GCKR: variants seen among roughly 807,000 people sequenced by gnomAD.
GCKR encodes glucokinase regulatory protein.
In GCKR, 73 loss-of-function variants were observed where a neutral mutation model predicts 82.9. The observed-to-expected ratio is 0.88, with a 90% CI of 0.73 to 1.07. The LOEUF (loss-of-function observed/expected upper bound fraction) is 1.07, where lower values mean the gene tolerates loss of function less well. GCKR is among the 50% of genes least tolerant of loss of function. The pLI, the probability that GCKR is intolerant of heterozygous loss-of-function variation, is 0.00. For missense variants in GCKR, 784 were observed against 782.1 expected (o/e 1.00, Z -0.03); for synonymous variants, 294 against 291.8 (o/e 1.01, Z -0.08).
intron 1 of GCKR, 122 bp downstream of exon 1, chr2:27,497,086 T>C: frequency 1.7e-6 from 2 of 1,201,816 alleles, no homozygotes; most frequent in Non-Finnish European, 2.5e-6. Context: ...TTCCCTAATA[T>C]GCCCAGAGCA....
At chr2:27,505,924 T>C (rs1669727943) in intron 10 of GCKR, 88 bp downstream of exon 10, 1 of 812,676 alleles carries the variant, frequency 1.2e-6, no homozygotes, top group South Asian at 1.3e-5. Flanking sequence ...ATCCAAGGAC[T>C]GGGCTGGTGG....
intron 16 of GCKR, among the ~76,000 whole-genome samples, chr2:27,514,905 A>AT (rs1201039712): frequency 6.6e-6 from 1 of 152,060 alleles, no homozygotes; most frequent in Non-Finnish European, 1.5e-5. Flanking sequence ...AAGTTTTTGG[A>AT]TTTTGTCAAC....
In GCKR at chr2:27,506,785, C is replaced by A; in HGVS notation, c.969-3C>A. 6.3e-7 allele frequency: 1 copy of A among 1,594,176 alleles called. No homozygotes were observed. Among genetic ancestry groups the A allele is most frequent in the Non-Finnish European group, 8.6e-7 (1 of 1,161,820 alleles). On this transcript the variant is annotated splice_region_variant and splice_polypyrimidine_tract_variant and intron_variant, in intron 11 of 18. Coordinates refer to ENST00000264717, the MANE Select transcript of GCKR (RefSeq NM_001486.4). ...CATGTCCTGACCTCTGACCCATTCT[C>A]AGTCTGGAGAAGAAAGGCCACGTGT...
intron 5 of GCKR, 84 bp from the exon 6 acceptor site, chr2:27,499,058 G>T (rs996386237): frequency 3.6e-6 from 3 of 832,944 alleles, no homozygotes; most frequent in Non-Finnish European, 4.2e-6. Context: ...CCCTTTATGC[G>T]CATCTCTTAA....
chr2:27,498,854 T>C (rs183223793), intron 5 of GCKR, 57 bp downstream of exon 5: 87 of 1,022,510 alleles, frequency 8.5e-5, no homozygotes, highest in Non-Finnish European at 1.2e-4. Context: ...TTCTTAGAAA[T>C]TGAGTTGGAA....
chr2:27,499,312 G>C (rs951975316), intron 6 of GCKR, 85 bp from the exon 7 acceptor site: 5 of 1,360,022 alleles, frequency 3.7e-6, no homozygotes, highest in South Asian at 1.2e-5. Context: ...TCCCTCCCCT[G>C]TTCCTGGCCC....
At chr2:27,511,106 C>T (rs1479933270) in intron 16 of GCKR, among the ~76,000 whole-genome samples, 1 of 152,084 alleles carries the variant, frequency 6.6e-6, no homozygotes, top group Non-Finnish European at 1.5e-5. Context: ...TGGCTCATTG[C>T]AACCTCTGCC....
intron 10 of GCKR, 65 bp downstream of exon 10, chr2:27,505,901 T>C (rs1351495790): frequency 4.4e-6 from 4 of 917,502 alleles, no homozygotes; most frequent in Admixed American, 1.7e-5. Flanking sequence ...TGGATGGAGA[T>C]TGGCAGGTCT....
intron 16 of GCKR, among the ~76,000 whole-genome samples, chr2:27,514,257 A>G (rs947519337): frequency 2.0e-5 from 3 of 152,076 alleles, no homozygotes; most frequent in Admixed American, 1.3e-4. Flanking sequence ...GTCTGCGTAT[A>G]TATATATATA....
At position 27,510,657 on chromosome 2, in the gene GCKR, G is replaced by A. The variant is rs149421372; in HGVS notation, c.1422+2406G>A. Among the ~76,000 whole-genome samples the A allele has an allele frequency of 1.1e-4, 17 of 152,210 alleles. 1 individual carries two copies. The East Asian group carries it at 3.1e-3, about 28-fold the overall frequency. On this transcript the variant is annotated intron_variant, in intron 16 of 18. Transcript: ENST00000264717. ...CTTATAAAAAAATCTTTGCTAATCA[G>A]TAAAGCAACAAAAGGGCATTTTAGT...
intron 16 of GCKR, among the ~76,000 whole-genome samples, chr2:27,508,827 C>A (rs1669811941): frequency 6.6e-6 from 1 of 151,722 alleles, no homozygotes. Context: ...CAGGTTAATT[C>A]TTGATACCAA....
chr2:27,497,415 G>T lies in GCKR; in HGVS notation c.216+16G>T, dbSNP rs768920972. ...CACATACCAGGTAACCAAGACCCAA[G>T]ACCTGGACCCTGGAAATAAACATGC... On this transcript the variant is annotated intron_variant, in intron 2 of 18. Transcript: ENST00000264717. 6.2e-6 allele frequency: 10 copies of T among 1,613,848 alleles called. No individual in the cohort carries two copies. In the African/African-American group the frequency reaches 1.1e-4, roughly 17 times the overall value.
chr2:27,509,167 G>T (rs1669820427), intron 16 of GCKR, among the ~76,000 whole-genome samples: 2 of 152,020 alleles, frequency 1.3e-5, no homozygotes, highest in South Asian at 4.2e-4. Flanking sequence ...GGCCCTGAAG[G>T]GTTGCTCTGG....
intron 16 of GCKR, among the ~76,000 whole-genome samples, chr2:27,511,497 G>A (rs1048148848): frequency 6.7e-6 from 1 of 149,830 alleles, no homozygotes; most frequent in Admixed American, 6.7e-5. Flanking sequence ...AAGAGTTCGA[G>A]ACCACCCTGG....
intron 16 of GCKR, chr2:27,509,601 C>A: frequency 2.4e-6 from 1 of 415,740 alleles, no homozygotes; most frequent in African/African-American, 2.0e-5. Flanking sequence ...CTTAGCCTCC[C>A]AAAGTGCTGA....
In GCKR at chr2:27,503,609, C is replaced by T. The variant is rs148025735; in HGVS notation, c.740C>T (p.Pro247Leu). Reference sequence around the variant, plus strand: ...AAACAGAAAGCTTTTGTGCTCAATCCTGCCATCGGGGTAGGGCCTCTCCTT... The same window carrying T: ...AAACAGAAAGCTTTTGTGCTCAATCTTGCCATCGGGGTAGGGCCTCTCCTT... Reference protein sequence around the residue: ...QEKQKAFVLNPAIGPEGLSGS... With the variant: ...QEKQKAFVLNLAIGPEGLSGS... The change falls in exon 9 of 19, where the codon CCT becomes CTT. Residue 247 changes from proline to leucine, a missense_variant. Transcript: ENST00000264717. 6.8e-5 allele frequency: 107 copies of T among 1,582,476 alleles called. No homozygotes were observed. In the African/African-American group the frequency reaches 1.3e-3, roughly 19 times the overall value.
In GCKR at chr2:27,523,405, A is replaced by C. The variant is rs201352492; in HGVS notation, c.1844A>C (p.Asp615Ala). Residue 615 changes from aspartate to alanine, a missense_variant, in exon 19 of 19, where the codon GAC becomes GCC. By Grantham distance (126) the Asp-to-Ala change is moderately radical. Transcript: ENST00000264717. ...GGGCCAGGTCAGAAGCGCACTGCGG[A>C]CCCCCTCGAGATCCTAGAGCCTGAC... ...LAGPGQKRTA[D>A]PLEILEPDVQ The C allele has an allele frequency of 2.0e-5, 32 of 1,609,016 alleles. No homozygotes were observed. The highest frequency in any genetic ancestry group is 2.7e-5 in the Non-Finnish European group (32 of 1,179,700).
intron 8 of GCKR, among the ~76,000 whole-genome samples, chr2:27,502,849 C>T (rs911385638): frequency 1.3e-5 from 2 of 152,216 alleles, no homozygotes; most frequent in Non-Finnish European, 2.9e-5. Flanking sequence ...GGGCGATTCA[C>T]AAATTATCCC....
chr2:27,503,588 A>G lies in GCKR; in HGVS notation c.719A>G (p.Gln240Arg). The G allele has an allele frequency of 6.2e-7, 1 of 1,609,566 alleles. No homozygotes were observed. The highest frequency in any genetic ancestry group is 8.5e-7 in the Non-Finnish European group (1 of 1,175,788). ...AERMQKMQEK[Q>R]KAFVLNPAIG... ...CGGATGCAGAAAATGCAGGAGAAAC[A>G]GAAAGCTTTTGTGCTCAATCCTGCC... Residue 240 changes from glutamine (Q) to arginine (R), a missense_variant, in exon 9 of 19, where the codon CAG (glutamine) becomes CGG (arginine). Physicochemically the swap from Gln to Arg is conservative, Grantham distance 43 (BLOSUM62 1). Transcript: ENST00000264717.
Sources: gnomAD v4.1 joint callset for allele counts (sites outside exome capture counted in the v4.1 genomes callset) on GRCh38, gnomAD v4.1.1 for gene constraint, MANE v1.5 for transcripts, NCBI Gene and HGNC (gene_info 2026-07-23, HGNC 2026-07-21) for gene names.